TMEM94: variants seen among roughly 807,000 people sequenced by gnomAD.
TMEM94 encodes the protein transmembrane protein 94.
In TMEM94, 81 loss-of-function variants were observed where a neutral mutation model predicts 158.6. That is an observed-to-expected ratio of 0.51 (90% CI 0.43 to 0.61). The LOEUF (loss-of-function observed/expected upper bound fraction) is 0.61. Among genes scored for constraint, TMEM94 ranks in the 20% least tolerant of loss-of-function variants. The pLI is 0.00. For synonymous variants in TMEM94, 751 were observed against 730.7 expected, an observed-to-expected ratio of 1.03 and a Z score of -0.45; for missense variants, 1,435 against 1,762.0, an observed-to-expected ratio of 0.81 and a Z score of 3.32.
chr17:75,463,396 A>G (rs62091795), intron 1 of TMEM94, among the ~76,000 whole-genome samples: 13,225 of 151,172 alleles, frequency 0.087, 1,074 homozygotes, highest in African/African-American at 0.2. Context: ...TCATTCTGCC[A>G]TTTCTCACGT....
chr17:75,486,182 C>A (rs1380588462), intron 4 of TMEM94, 108 bp from the exon 5 acceptor site: 3 of 1,523,138 alleles, frequency 2.0e-6, no homozygotes, highest in Non-Finnish European at 2.7e-6. Flanking sequence ...CAGAACGGGA[C>A]AGTCTTTCCA....
intron 1 of TMEM94, among the ~76,000 whole-genome samples, chr17:75,468,168 G>T (rs573733387): frequency 6.6e-6 from 1 of 152,248 alleles, no homozygotes; most frequent in South Asian, 2.1e-4. Flanking sequence ...TTCACAATGG[G>T]CTAGGAGCAG....
intron 1 of TMEM94, among the ~76,000 whole-genome samples, chr17:75,468,386 C>T (rs2146183595): frequency 6.6e-6 from 1 of 152,352 alleles, no homozygotes; most frequent in South Asian, 2.1e-4. Flanking sequence ...TTAACAGGCA[C>T]AGTCCCCATC....
chr17:75,470,316 T>TA (rs1385159223), intron 1 of TMEM94, among the ~76,000 whole-genome samples: 1 of 148,500 alleles, frequency 6.7e-6, no homozygotes, highest in Admixed American at 6.7e-5. Context: ...CACACAAAAT[T>TA]AAAAAAAATA....
Position 75,496,236 on chromosome 17 carries a change from C to G in TMEM94, c.3054-46C>G, listed in dbSNP as rs771656897. On this transcript the variant is annotated intron_variant, in intron 23 of 31. Coordinates refer to ENST00000314256, the MANE Select transcript of TMEM94 (RefSeq NM_014738.6). ...GGAGAAGAGGGTGGGGTGCCCAGTCCTGTGGGAGATACAGCTGAAGTGTGT... is the reference window on the plus strand; with the variant it reads ...GGAGAAGAGGGTGGGGTGCCCAGTCGTGTGGGAGATACAGCTGAAGTGTGT... The G allele has an allele frequency of 9.3e-6, 15 of 1,611,630 alleles. No individual in the cohort carries two copies. The East Asian group carries it at 3.1e-4, about 34-fold the overall frequency.
intron 2 of TMEM94, among the ~76,000 whole-genome samples, chr17:75,483,325 A>G (rs2051322225): frequency 6.6e-6 from 1 of 151,962 alleles, no homozygotes; most frequent in African/African-American, 2.4e-5. Flanking sequence ...AAAGTTAGAG[A>G]CAGTGTGGGG....
At chr17:75,481,287 C>T (rs1164872093) in intron 2 of TMEM94, among the ~76,000 whole-genome samples, 5 of 152,250 alleles carry the variant, frequency 3.3e-5, no homozygotes, top group Non-Finnish European at 4.4e-5. Context: ...GTGAGGTCCC[C>T]GCCGGGAGGG....
Position 75,495,262 on chromosome 17 carries a change from G to A in TMEM94, c.2729-22G>A, listed in dbSNP as rs2052571959. The A allele has an allele frequency of 5.1e-6, 8 of 1,566,798 alleles. No individual in the cohort carries two copies. In the African/African-American group the frequency reaches 5.4e-5, roughly 11 times the overall value. ...CCCAGAAGGCTGGTCCCAAGGTGAG[G>A]GAGAGGCTTTTGTCCCCACAGTGTC... On this transcript the variant is annotated intron_variant, in intron 20 of 31. Transcript: ENST00000314256. This position sits in a 1 kb window ranked among gnomAD's most constrained non-coding sequence, Gnocchi z 5.6.
rs535267702 is a variant in TMEM94, at chr17:75,498,754, G to A, written c.3827+32G>A. On this transcript the variant is annotated intron_variant, in intron 30 of 31. Coordinates refer to ENST00000314256, the MANE Select transcript of TMEM94 (RefSeq NM_014738.6). This position sits in a 1 kb window ranked among gnomAD's most constrained non-coding sequence, Gnocchi z 6.7. ...ATTGCTAGGATGGAGGGCGGAGTGT[G>A]GGCTGGGGAGGAGAGGGCCTTCTGC... 1.3e-6 allele frequency: 2 copies of A among 1,537,562 alleles called. No homozygotes were observed. The highest frequency in any genetic ancestry group is 2.3e-5 in the East Asian group (1 of 44,208).
chr17:75,493,931 T>C lies in TMEM94; in HGVS notation c.2407+15T>C. The C allele has an allele frequency of 6.3e-7, 1 of 1,599,376 alleles. No individual in the cohort carries two copies. The highest frequency in any genetic ancestry group is 8.5e-7 in the Non-Finnish European group (1 of 1,171,904). ...GAGCTCTGACGGTACCTCATGGGTC[T>C]GTCCAGCGGGGCTGGTGCTGGGGCT... On this transcript the variant is annotated intron_variant, in intron 18 of 31. Coordinates refer to ENST00000314256, the MANE Select transcript of TMEM94 (RefSeq NM_014738.6).
chr17:75,482,303 G>A (rs553353051), intron 2 of TMEM94, among the ~76,000 whole-genome samples: 4 of 151,718 alleles, frequency 2.6e-5, no homozygotes, highest in Admixed American at 2.6e-4. Context: ...CTGAGATTGC[G>A]CCACTGCACT....
Position 75,493,027 on chromosome 17 carries a change from C to T in TMEM94, c.2011C>T (p.Arg671Trp), listed in dbSNP as rs780388660. ...AETMKETSLG[R>W]LSCVTKRRPP... ...GACAATGAAGGAGACATCGCTGGGG[C>T]GGCTCTCCTGTGTCACCAAGCGGCG... Residue 671 changes from arginine (R) to tryptophan (W), a missense_variant, in exon 16 of 32, where the codon CGG (arginine) becomes TGG (tryptophan). By Grantham distance (101) the Arg-to-Trp change is moderately radical. Transcript: ENST00000314256. 203 of 1,613,550 alleles carry T rather than the reference C, an allele frequency of 1.3e-4. No homozygotes were observed. Among genetic ancestry groups the T allele is most frequent in the Non-Finnish European group, 1.7e-4 (197 of 1,180,028 alleles).
rs778110534 is a variant in TMEM94, at chr17:75,495,519, C to T, written c.2845-25C>T. 7 of 1,611,216 alleles carry T rather than the reference C, an allele frequency of 4.3e-6. No homozygotes were observed. The South Asian group carries it at 6.6e-5, about 15-fold the overall frequency. On this transcript the variant is annotated intron_variant, in intron 21 of 31. Transcript: ENST00000314256. This position sits in a 1 kb window ranked among gnomAD's most constrained non-coding sequence, Gnocchi z 5.6. ...AGGGATGCTGATCCCCATCCCGAAG[C>T]CGCTGGCATCTCTGCTTTCTCCAGG...
chr17:75,471,251 A>AAAAAG lies in TMEM94; in HGVS notation c.-106-546_-106-545insAGAAA, dbSNP rs1555622618. ...GAGAATCCGTCTCAAAAAAAAAAAA[A>AAAAAG]AAAGAAAGAAAGAAAGAAAGAAAAT... On this transcript the variant is annotated intron_variant, in intron 1 of 31. Transcript: ENST00000314256. Among the ~76,000 whole-genome samples the AAAAAG allele has an allele frequency of 3.5e-3, 499 of 141,376 alleles. 7 individuals are homozygous for AAAAAG. The highest frequency in any genetic ancestry group is 0.014 in the African/African-American group (462 of 32,946). 92.7% of individuals were successfully genotyped at this position (141,376 alleles called of 152,430 possible).
rs4078474 is a variant in TMEM94, at chr17:75,493,486, C to G, written c.2087-5C>G. On this transcript the variant is annotated splice_polypyrimidine_tract_variant and splice_region_variant and intron_variant, in intron 16 of 31. Coordinates refer to ENST00000314256, the MANE Select transcript of TMEM94 (RefSeq NM_014738.6). ...GACACTCAGGGTTTGAACTCTCTCC[C>G]CCAGGCACAGAGCAGATGCTGTCCC... The G allele has an allele frequency of 0.77, 1,247,979 of 1,613,292 alleles. 491,426 individuals carry two copies. The highest frequency in any genetic ancestry group is 0.81 in the Non-Finnish European group (959,680 of 1,179,602).
chr17:75,472,618 G>A (rs1405453263), intron 2 of TMEM94, among the ~76,000 whole-genome samples: 3 of 152,182 alleles, frequency 2.0e-5, no homozygotes, highest in Non-Finnish European at 4.4e-5. Flanking sequence ...GAACCCAGGA[G>A]GCAGAGGTTG....
At position 75,491,514 on chromosome 17, in the gene TMEM94, C is replaced by T. The variant is rs752510717; in HGVS notation, c.1386+59C>T. The T allele has an allele frequency of 5.0e-6, 8 of 1,611,408 alleles. No individual in the cohort carries two copies. In the South Asian group the frequency reaches 6.6e-5, roughly 13 times the overall value. On this transcript the variant is annotated intron_variant, in intron 13 of 31. Coordinates refer to ENST00000314256, the MANE Select transcript of TMEM94 (RefSeq NM_014738.6). This position sits in a 1 kb window ranked among gnomAD's most constrained non-coding sequence, Gnocchi z 5.1. ...CCGACTCTGGGCCAGGCTGTTTAGC[C>T]TTGGAGCCTGGCCAGGGAGGGTGAG...
Position 75,465,111 on chromosome 17 carries a change from C to T in TMEM94, c.-106-6689C>T, listed in dbSNP as rs187819431. ...AACTCCTGGTCTCAAGATCCTCCTGCGTCAGCCATATTCTCAGTCTTTTTC... is the reference window on the plus strand; with the variant it reads ...AACTCCTGGTCTCAAGATCCTCCTGTGTCAGCCATATTCTCAGTCTTTTTC... On this transcript the variant is annotated intron_variant, in intron 1 of 31. Transcript: ENST00000314256. Among the ~76,000 whole-genome samples the T allele has an allele frequency of 2.6e-3, 401 of 151,958 alleles. 2 individuals are homozygous for T. The highest frequency in any genetic ancestry group is 4.6e-3 in the Non-Finnish European group (310 of 67,956).
intron 2 of TMEM94, among the ~76,000 whole-genome samples, chr17:75,482,725 G>A (rs536273169): frequency 2.0e-5 from 3 of 152,226 alleles, no homozygotes; most frequent in South Asian, 2.1e-4. Flanking sequence ...GGAATGCCTC[G>A]GGTTGTTCCT....
Sources: allele counts gnomAD v4.1 joint callset (sites outside exome capture counted in the v4.1 genomes callset), GRCh38; gene constraint gnomAD v4.1.1; non-coding constraint Gnocchi (gnomAD v3.1); transcripts MANE v1.5; gene names NCBI Gene and HGNC (gene_info 2026-07-23, HGNC 2026-07-21).